Variants in TGFBR2 observed in about 807,000 individuals in gnomAD.
The protein encoded by TGFBR2 is TGF-beta receptor type-2.
Under a neutral mutation model 49.0 loss-of-function variants are expected in TGFBR2, and 18 were observed. That is an observed-to-expected ratio of 0.37 (90% CI 0.25 to 0.54). The LOEUF is 0.54. TGFBR2 is among the 20% of genes least tolerant of loss of function. The probability of loss-of-function intolerance (pLI) is 0.85; values close to 1 mark genes in which losing one functional copy is unlikely to be tolerated. For synonymous variants in TGFBR2, 282 were observed against 275.9 expected, an observed-to-expected ratio of 1.02 and a Z score of -0.22; for missense variants, 525 against 722.6, an observed-to-expected ratio of 0.73 and a Z score of 3.13.
chr3:30,641,265 C>G (rs1174736638), intron 1 of TGFBR2, among the ~76,000 whole-genome samples: 4 of 152,152 alleles, frequency 2.6e-5, no homozygotes, highest in African/African-American at 9.7e-5. Context: ...TTTTATCAAA[C>G]TTAGGTGACT....
At chr3:30,639,016 G>A (rs1029431784) in intron 1 of TGFBR2, among the ~76,000 whole-genome samples, 7 of 152,322 alleles carry the variant, frequency 4.6e-5, no homozygotes, top group South Asian at 4.1e-4. Flanking sequence ...GGGCCTCTGG[G>A]TTTGCAATCA....
At chr3:30,641,082 T>A (rs1383756778) in intron 1 of TGFBR2, among the ~76,000 whole-genome samples, 1 of 152,192 alleles carries the variant, frequency 6.6e-6, no homozygotes, top group Non-Finnish European at 1.5e-5. Flanking sequence ...CATCCCACTC[T>A]GACCAGCAGT....
intron 5 of TGFBR2, among the ~76,000 whole-genome samples, chr3:30,685,549 G>C (rs1325162259): frequency 2.0e-5 from 3 of 152,232 alleles, no homozygotes; most frequent in Non-Finnish European, 4.4e-5. Flanking sequence ...TGTATTTCAA[G>C]AGAGGTCTAA....
chr3:30,622,399 T>G (rs112686831), intron 1 of TGFBR2, among the ~76,000 whole-genome samples: 2 of 152,178 alleles, frequency 1.3e-5, no homozygotes, highest in African/African-American at 4.8e-5. Flanking sequence ...TCTGTGTACT[T>G]TATTGGTGGT....
At chr3:30,620,179 T>G (rs1313679630) in intron 1 of TGFBR2, among the ~76,000 whole-genome samples, 1 of 152,126 alleles carries the variant, frequency 6.6e-6, no homozygotes, top group Non-Finnish European at 1.5e-5. Context: ...AGAGTGAGAC[T>G]CTGTCTCAAA....
At chr3:30,614,900 G>A (rs1469548298) in intron 1 of TGFBR2, among the ~76,000 whole-genome samples, 1 of 152,174 alleles carries the variant, frequency 6.6e-6, no homozygotes, top group African/African-American at 2.4e-5. Flanking sequence ...TAGCATGGGT[G>A]TTGGAAGACT....
At chr3:30,641,591 G>C (rs1222704015) in intron 1 of TGFBR2, among the ~76,000 whole-genome samples, 2 of 152,116 alleles carry the variant, frequency 1.3e-5, no homozygotes, top group Non-Finnish European at 2.9e-5. Flanking sequence ...TGGCATCCCT[G>C]GCTGGGTTCT....
chr3:30,671,869 C>G lies in TGFBR2; in HGVS notation c.686C>G (p.Ser229Cys). The change falls in exon 4 of 7, where the codon TCC becomes TGC. Residue 229 changes from serine (S) to cysteine (C), a missense_variant. Transcript: ENST00000295754. ...GAAGATGACCGCTCTGACATCAGCT[C>G]CACGTGTGCCAACAACATCAACCAC... ...ILEDDRSDIS[S>C]TCANNINHNT... 6.2e-7 allele frequency: 1 copy of G among 1,614,216 alleles called. No individual in the cohort carries two copies. The highest frequency in any genetic ancestry group is 8.5e-7 in the Non-Finnish European group (1 of 1,180,032).
rs1421581888 is a variant in TGFBR2 at position 30,691,638 on chromosome 3, C to T, written c.*39C>T. The T allele has an allele frequency of 3.7e-6, 6 of 1,612,176 alleles. No homozygotes were observed. In the African/African-American group the frequency reaches 6.7e-5, roughly 18 times the overall value. ...GGCTGGGCCATGTCCAAAGAGGCTG[C>T]CCCTCTCACCAAAGAACAGAGGCAG... is the stretch of plus-strand genomic sequence containing the variant. On this transcript the variant is annotated 3_prime_UTR_variant, in exon 7 of 7. Transcript: ENST00000295754.
chr3:30,667,033 A>G (rs1699259189), intron 3 of TGFBR2, among the ~76,000 whole-genome samples: 1 of 152,198 alleles, frequency 6.6e-6, no homozygotes, highest in Non-Finnish European at 1.5e-5. Context: ...GGCAATGCTC[A>G]TTGTAAATAC....
chr3:30,652,077 A>G (rs565883814), intron 3 of TGFBR2, among the ~76,000 whole-genome samples: 1 of 152,074 alleles, frequency 6.6e-6, no homozygotes, highest in African/African-American at 2.4e-5. Flanking sequence ...CATTCTCCCT[A>G]TCTTCCTGTC....
intron 1 of TGFBR2, among the ~76,000 whole-genome samples, chr3:30,637,839 A>G (rs2125398558): frequency 6.6e-6 from 1 of 152,318 alleles, no homozygotes; most frequent in South Asian, 2.1e-4. Context: ...ATCAATGAAT[A>G]TCATAAATTT....
chr3:30,618,784 A>C (rs1698177021), intron 1 of TGFBR2, among the ~76,000 whole-genome samples: 1 of 152,152 alleles, frequency 6.6e-6, no homozygotes, highest in Non-Finnish European at 1.5e-5. Context: ...TGTCTTGAGG[A>C]ACTTATTTGT....
chr3:30,639,044 A>G (rs1698595104), intron 1 of TGFBR2, among the ~76,000 whole-genome samples: 2 of 152,220 alleles, frequency 1.3e-5, no homozygotes, highest in South Asian at 2.1e-4. Flanking sequence ...GGTCAGGCTC[A>G]AGAGAAAAGC....
intron 3 of TGFBR2, among the ~76,000 whole-genome samples, chr3:30,664,251 T>G (rs1271235074): frequency 6.6e-6 from 1 of 152,010 alleles, no homozygotes; most frequent in African/African-American, 2.4e-5. Flanking sequence ...CACGAAGTGC[T>G]GGGATTACAG....
chr3:30,610,247 C>T lies in TGFBR2; in HGVS notation c.94+3270C>T, dbSNP rs535842188. On this transcript the variant is annotated intron_variant, in intron 1 of 6. Transcript: ENST00000295754. Reference sequence around the variant, plus strand: ...CATGTTATAAGTAAAGAAAAGGATACGTGTTTTAACTGTTTATATTTGAAA... The same window carrying T: ...CATGTTATAAGTAAAGAAAAGGATATGTGTTTTAACTGTTTATATTTGAAA... Among the ~76,000 whole-genome samples, 6 of 152,158 alleles carry T rather than the reference C, an allele frequency of 3.9e-5. No individual in the cohort carries two copies. In the South Asian group the frequency reaches 1.2e-3, roughly 32 times the overall value.
chr3:30,671,727 GTCA>G lies in TGFBR2; in HGVS notation c.553_555del (p.Ile185del). 1.2e-6 allele frequency: 2 copies of G among 1,614,188 alleles called. No individual in the cohort carries two copies. Among genetic ancestry groups the G allele is most frequent in the Non-Finnish European group, 1.7e-6 (2 of 1,180,032 alleles). On this transcript the variant is annotated inframe_deletion, in exon 4 of 7. Coordinates refer to ENST00000295754, the MANE Select transcript of TGFBR2 (RefSeq NM_003242.6). ...GCCACCACTGGGAGTTGCCATATCT[GTCA>G]TCATCATCTTCTACTGCTACCGCGT...
chr3:30,626,986 A>G lies in TGFBR2; in HGVS notation c.95-17761A>G, dbSNP rs189066198. ...GCTAAATTCTCTGAGTCACTGGCAG[A>G]TTGTAAGTAGGGGAATGACGTAATA... is the stretch of plus-strand genomic sequence containing the variant. On this transcript the variant is annotated intron_variant, in intron 1 of 6. Coordinates refer to ENST00000295754, the MANE Select transcript of TGFBR2 (RefSeq NM_003242.6). Among the ~76,000 whole-genome samples, 302 of 152,344 alleles carry G rather than the reference A, an allele frequency of 2.0e-3. 1 individual carries two copies. The Middle Eastern group carries it at 0.02, about 10-fold the overall frequency.
chr3:30,667,031 T>C (rs1559465219), intron 3 of TGFBR2, among the ~76,000 whole-genome samples: 1 of 152,170 alleles, frequency 6.6e-6, no homozygotes, highest in Admixed American at 6.5e-5. Flanking sequence ...CAGGCAATGC[T>C]CATTGTAAAT....
Sources: allele counts gnomAD v4.1 joint callset (sites outside exome capture counted in the v4.1 genomes callset), GRCh38; gene constraint gnomAD v4.1.1; transcripts MANE v1.5; gene names NCBI Gene and HGNC (gene_info 2026-07-23, HGNC 2026-07-21).